The following TASOR variants were observed in gnomAD, a reference collection of about 807,000 sequenced individuals.
TASOR encodes the protein protein TASOR.
A neutral mutation model predicts 178.6 loss-of-function variants in TASOR; 53 were observed. The observed-to-expected ratio is 0.30, with a 90% CI of 0.24 to 0.37. The LOEUF (loss-of-function observed/expected upper bound fraction) is 0.37. Ranked by LOEUF, TASOR falls within the 10% of genes least tolerant of loss-of-function variation. The pLI is 1.00. For missense variants in TASOR, 1,815 were observed against 1,971.4 expected (o/e 0.92, Z 1.50); for synonymous variants, 713 against 696.2 (o/e 1.02, Z -0.38).
At chr3:56,670,246 A>C in intron 3 of TASOR, 101 bp from the exon 4 acceptor site, 1 of 659,550 alleles carries the variant, frequency 1.5e-6, no homozygotes, top group Non-Finnish European at 2.5e-6. Context: ...AAAGCTTCTT[A>C]ACTATGTATC....
In TASOR at chr3:56,665,057, A is replaced by C. The variant is rs139439452; in HGVS notation, c.1022+1203T>G. On this transcript the variant is annotated intron_variant, in intron 7 of 23. Coordinates refer to ENST00000683822, the MANE Select transcript of TASOR (RefSeq NM_001365635.2). ...CATGATGGTGCATGCCTGTAGTCCCAGCTACTTGGGAGGATCGCTTGCACA... is the reference window on the plus strand; with the variant it reads ...CATGATGGTGCATGCCTGTAGTCCCCGCTACTTGGGAGGATCGCTTGCACA... 1.8e-3 allele frequency among the ~76,000 whole-genome samples: 276 copies of C among 152,260 alleles called. 2 individuals carry two copies. The highest frequency in any genetic ancestry group is 0.017 in the East Asian group (90 of 5,172).
At chr3:56,680,040 A>AG (rs1559858819) in intron 1 of TASOR, among the ~76,000 whole-genome samples, 20 of 151,692 alleles carry the variant, frequency 1.3e-4, no homozygotes, top group East Asian at 7.7e-4. Context: ...ATATTTAATG[A>AG]AGGGGGGGAA....
chr3:56,660,435 G>A (rs191243697), intron 11 of TASOR, among the ~76,000 whole-genome samples: 25 of 146,560 alleles, frequency 1.7e-4, no homozygotes, highest in Non-Finnish European at 3.0e-4. Flanking sequence ...AGATTACAGT[G>A]AGCCAAGATC....
At position 56,682,663 on chromosome 3, in the gene TASOR, G is replaced by A. The variant is rs1192460861; in HGVS notation, c.331+13C>T. 2 of 1,453,810 alleles carry A rather than the reference G, an allele frequency of 1.4e-6. No homozygotes were observed. The highest frequency in any genetic ancestry group is 2.5e-5 in the East Asian group (1 of 39,690). The allele number at this position is 1,453,810 out of a possible 1,614,324, so 90.1% of individuals were successfully genotyped here. On this transcript the variant is annotated intron_variant, in intron 1 of 23. Transcript: ENST00000683822. ...GAGAGAGAGAGGGGGTTGAGAAGAAGGGGAGGCACCACCTTTCTTTTCTCT... is the reference window on the plus strand; with the variant it reads ...GAGAGAGAGAGGGGGTTGAGAAGAAAGGGAGGCACCACCTTTCTTTTCTCT...
chr3:56,669,828 T>G, intron 4 of TASOR, 37 bp from the exon 5 acceptor site: 1 of 1,411,954 alleles, frequency 7.1e-7, no homozygotes, highest in Non-Finnish European at 9.6e-7. Flanking sequence ...ACTGATTATA[T>G]TTTTCAAAAT....
In TASOR at chr3:56,640,964, C is replaced by T. The variant is rs112665632; in HGVS notation, c.2619+385G>A. On this transcript the variant is annotated intron_variant, in intron 15 of 23. Transcript: ENST00000683822. ...CACACTGCTGTACTGAGACTGGCAT[C>T]CTCATCTGCCTCACCTTTGGGTTCT... Among the ~76,000 whole-genome samples, 732 of 152,306 alleles carry T rather than the reference C, an allele frequency of 4.8e-3. 8 individuals are homozygous for T. The highest frequency in any genetic ancestry group is 0.017 in the African/African-American group (686 of 41,552).
chr3:56,660,578 C>T (rs1172238582), intron 11 of TASOR, among the ~76,000 whole-genome samples, 153 bp downstream of exon 11: 7 of 151,488 alleles, frequency 4.6e-5, no homozygotes, highest in African/African-American at 1.7e-4. Flanking sequence ...AATACCAGAA[C>T]CACAGTAAAA....
intron 1 of TASOR, among the ~76,000 whole-genome samples, chr3:56,677,410 A>G (rs770521194): frequency 1.3e-5 from 2 of 152,200 alleles, no homozygotes; most frequent in Non-Finnish European, 2.9e-5. Flanking sequence ...TACTGTACTA[A>G]GAGCTTTACA....
chr3:56,640,439 T>C (rs2107562087), intron 15 of TASOR, among the ~76,000 whole-genome samples: 1 of 152,278 alleles, frequency 6.6e-6, no homozygotes, highest in Non-Finnish European at 1.5e-5. Context: ...GACACAGCTG[T>C]ACTCCAATAA....
intron 18 of TASOR, among the ~76,000 whole-genome samples, chr3:56,632,826 C>T (rs1272430970): frequency 6.6e-6 from 1 of 152,048 alleles, no homozygotes; most frequent in Non-Finnish European, 1.5e-5. Flanking sequence ...ATTTAAGAGA[C>T]AATGTCTTGT....
chr3:56,628,041 C>CGAA (rs2076835255), intron 19 of TASOR, among the ~76,000 whole-genome samples: 1 of 152,090 alleles, frequency 6.6e-6, no homozygotes, highest in Non-Finnish European at 1.5e-5. Flanking sequence ...AGAATTCAGA[C>CGAA]GAAGGCAAAA....
In TASOR at chr3:56,647,090, A is replaced by G. The variant is rs2077251552; in HGVS notation, c.1647T>C (p.Asn549=). ...RKEFKNISAI[N]FHSVVEKYVS... ...CATACTTTTCAACAACAGAATGAAA[A>G]TTTATGGCGCTTATATTTTTGAATT... Residue 549 remains asparagine, a synonymous_variant, in exon 14 of 24, where the codon AAT becomes AAC. Coordinates refer to ENST00000683822, the MANE Select transcript of TASOR (RefSeq NM_001365635.2). The G allele has an allele frequency of 6.2e-7, 1 of 1,606,258 alleles. No individual in the cohort carries two copies. The highest frequency in any genetic ancestry group is 2.2e-5 in the East Asian group (1 of 44,818).
chr3:56,682,647 A>G (rs776508677), intron 1 of TASOR, 29 bp downstream of exon 1: 19 of 1,428,420 alleles, frequency 1.3e-5, no homozygotes, highest in South Asian at 9.1e-5. Flanking sequence ...GGAGAGAGAG[A>G]GGGGGTTGAG....
Position 56,680,666 on chromosome 3 carries a change from T to C in TASOR, c.331+2010A>G, listed in dbSNP as rs183728457. On this transcript the variant is annotated intron_variant, in intron 1 of 23. Transcript: ENST00000683822. Reference sequence around the variant, plus strand: ...CAAGATAAAATTCATGGTGGTAAAATAGCTGCTTATTTAATTTTTTAAAGT... The same window carrying C: ...CAAGATAAAATTCATGGTGGTAAAACAGCTGCTTATTTAATTTTTTAAAGT... Among the ~76,000 whole-genome samples the C allele has an allele frequency of 2.3e-3, 343 of 151,606 alleles. 3 individuals are homozygous for C. The highest frequency in any genetic ancestry group is 7.7e-3 in the African/African-American group (320 of 41,302).
intron 1 of TASOR, among the ~76,000 whole-genome samples, chr3:56,678,176 G>GTT (rs2031477533): frequency 8.6e-5 from 8 of 93,168 alleles, no homozygotes; most frequent in Non-Finnish European, 1.2e-4. Flanking sequence ...ACACACTTAT[G>GTT]ATTTTTTTTT....
chr3:56,656,225 T>C (rs1401079135), intron 11 of TASOR, among the ~76,000 whole-genome samples: 1 of 152,174 alleles, frequency 6.6e-6, no homozygotes, highest in Non-Finnish European at 1.5e-5. Flanking sequence ...TGATCTGCAT[T>C]AAATCAATAT....
Position 56,621,709 on chromosome 3 carries a change from G to T in TASOR, c.*1328C>A. 1.3e-6 allele frequency: 1 copy of T among 763,420 alleles called. No individual in the cohort carries two copies. The highest frequency in any genetic ancestry group is 2.0e-6 in the Non-Finnish European group (1 of 490,884). 47.3% of individuals were successfully genotyped at this position (763,420 alleles called of 1,614,324 possible). A position where few individuals can be genotyped will look rare whatever the true frequency, so the allele number is the denominator to read the frequency against. On this transcript the variant is annotated 3_prime_UTR_variant, in exon 24 of 24. Coordinates refer to ENST00000683822, the MANE Select transcript of TASOR (RefSeq NM_001365635.2). Reference sequence around the variant, plus strand: ...TCAACTGTATTTTTCAAATAGCCTAGATTTACTTATTTTTTTAAATGCTCA... The same window carrying T: ...TCAACTGTATTTTTCAAATAGCCTATATTTACTTATTTTTTTAAATGCTCA...
Position 56,682,730 on chromosome 3 carries a change from C to T in TASOR, c.277G>A (p.Glu93Lys). The part of the protein sequence containing the change: ...AALPRGPEEP[E>K]RPVRRSFQIP... ...TGAAAACTCCTCCTAACAGGCCTTT[C>T]GGGCTCTTCGGGGCCTCTGGGCAGG... The change falls in exon 1 of 24, where the codon GAA becomes AAA. Residue 93 changes from glutamate (E) to lysine (K), a missense_variant. By Grantham distance (56) the Glu-to-Lys change is moderately conservative. This residue lies in a region of TASOR where 244 missense variants were observed against 202.7 expected (regional missense o/e 1.20). Coordinates refer to ENST00000683822, the MANE Select transcript of TASOR (RefSeq NM_001365635.2). 11 of 1,510,346 alleles carry T rather than the reference C, an allele frequency of 7.3e-6. No individual in the cohort carries two copies. Among genetic ancestry groups the T allele is most frequent in the Non-Finnish European group, 9.8e-6 (11 of 1,128,134 alleles). 93.6% of individuals were successfully genotyped at this position (1,510,346 alleles called of 1,614,324 possible).
At chr3:56,627,788 T>A (rs765681130) in intron 19 of TASOR, 47 bp from the exon 20 acceptor site, 1 of 1,579,358 alleles carries the variant, frequency 6.3e-7, no homozygotes, top group African/African-American at 1.4e-5. Context: ...AGGGAATGAA[T>A]TGACAGACTC....
Sources: allele counts gnomAD v4.1 joint callset (sites outside exome capture counted in the v4.1 genomes callset), GRCh38; gene constraint gnomAD v4.1.1; regional missense constraint gnomAD v4.1.1; transcripts MANE v1.5; gene names NCBI Gene and HGNC (gene_info 2026-07-23, HGNC 2026-07-21).